The following CCSER1 variants were observed in gnomAD, a reference collection of about 807,000 sequenced individuals.
CCSER1 encodes the protein coiled-coil serine rich protein 1.
In CCSER1, 41 loss-of-function variants were observed where a neutral mutation model predicts 82.0. The ratio of observed to expected loss-of-function variants is 0.50; its 90% CI spans 0.39 to 0.65. The LOEUF is 0.65. Ranked by LOEUF, CCSER1 falls within the 30% of genes least tolerant of loss-of-function variation. The probability of loss-of-function intolerance (pLI) is 0.00; values close to 1 mark genes in which losing one functional copy is unlikely to be tolerated. For synonymous variants in CCSER1, 414 were observed against 383.9 expected (o/e 1.08, Z -0.92); for missense variants, 1,119 against 1,064.2 (o/e 1.05, Z -0.72).
chr4:91,449,448 AT>A (rs945167109), intron 10 of CCSER1, among the ~76,000 whole-genome samples: 27 of 151,804 alleles, frequency 1.8e-4, no homozygotes, highest in African/African-American at 4.6e-4. Flanking sequence ...AAATTGTGTC[AT>A]TTTTTTTGGT....
chr4:91,475,654 T>G (rs1757550916), intron 10 of CCSER1, among the ~76,000 whole-genome samples: 1 of 151,840 alleles, frequency 6.6e-6, no homozygotes, highest in South Asian at 2.1e-4. Context: ...CTGATTTGTG[T>G]GGGGAACATT....
chr4:91,143,669 T>G (rs1260327816), intron 10 of CCSER1, among the ~76,000 whole-genome samples: 1 of 152,022 alleles, frequency 6.6e-6, no homozygotes, highest in East Asian at 1.9e-4. Flanking sequence ...TTCTTTAGTA[T>G]TTTTTTAATC....
intron 4 of CCSER1, among the ~76,000 whole-genome samples, chr4:90,402,360 T>C (rs1752996819): frequency 6.6e-6 from 1 of 152,238 alleles, no homozygotes; most frequent in African/African-American, 2.4e-5. Context: ...TGCAGAATTA[T>C]AGTTAATTTT....
At chr4:91,556,670 A>G (rs1259104762) in intron 10 of CCSER1, among the ~76,000 whole-genome samples, 1 of 151,156 alleles carries the variant, frequency 6.6e-6, no homozygotes, top group African/African-American at 2.4e-5. Flanking sequence ...ATCTTAGGGT[A>G]GTTGTGGGAT....
intron 5 of CCSER1, among the ~76,000 whole-genome samples, chr4:90,484,576 G>A (rs1362450946): frequency 6.6e-6 from 1 of 152,150 alleles, no homozygotes; most frequent in South Asian, 2.1e-4. Flanking sequence ...CTGTTTGTTA[G>A]TTTTCCTTCT....
intron 10 of CCSER1, among the ~76,000 whole-genome samples, chr4:91,300,814 A>G (rs1744606945): frequency 6.6e-6 from 1 of 151,902 alleles, no homozygotes; most frequent in South Asian, 2.1e-4. Flanking sequence ...GATATATGAT[A>G]TATTTGATAA....
Position 90,853,111 on chromosome 4 carries a change from AAAAC to A in CCSER1, c.2094+37272_2094+37275del, listed in dbSNP as rs530717871. Among the ~76,000 whole-genome samples the A allele has an allele frequency of 2.0e-5, 3 of 152,272 alleles. No homozygotes were observed. The South Asian group carries it at 6.2e-4, about 32-fold the overall frequency. On this transcript the variant is annotated intron_variant, in intron 8 of 10. Coordinates refer to ENST00000509176, the MANE Select transcript of CCSER1 (RefSeq NM_001145065.2). ...GCAAGAACAACCACAAAAAAAAACAAAAACAAACATATAAAGATGTAGAGTCCTT... is the reference window on the plus strand; with the variant it reads ...GCAAGAACAACCACAAAAAAAAACAAAAACATATAAAGATGTAGAGTCCTT...
At chr4:91,466,607 A>G (rs981437775) in intron 10 of CCSER1, among the ~76,000 whole-genome samples, 6 of 152,186 alleles carry the variant, frequency 3.9e-5, no homozygotes, top group Non-Finnish European at 7.3e-5. Flanking sequence ...AGAAAACCCC[A>G]TCATCTCAGC....
intron 10 of CCSER1, among the ~76,000 whole-genome samples, chr4:91,367,951 CT>C (rs1749756378): frequency 1.3e-5 from 2 of 152,038 alleles, no homozygotes; most frequent in Admixed American, 1.3e-4. Context: ...ATGTGTCTTA[CT>C]TTTTGAGTGG....
chr4:91,362,785 C>T (rs926662270), intron 10 of CCSER1, among the ~76,000 whole-genome samples: 1 of 151,768 alleles, frequency 6.6e-6, no homozygotes, highest in Non-Finnish European at 1.5e-5. Flanking sequence ...ATATAACTGT[C>T]TTTGTGAAAC....
At chr4:90,739,335 C>A (rs1746161894) in intron 7 of CCSER1, among the ~76,000 whole-genome samples, 1 of 152,136 alleles carries the variant, frequency 6.6e-6, no homozygotes. Context: ...GTTCCAATAC[C>A]CAAGTTGGAA....
intron 7 of CCSER1, among the ~76,000 whole-genome samples, chr4:90,748,017 G>A (rs1337207814): frequency 6.9e-6 from 1 of 145,766 alleles, no homozygotes; most frequent in Non-Finnish European, 1.5e-5. Context: ...ATTCCATGGT[G>A]TATATGTGCC....
At chr4:90,404,635 G>C (rs1468525158) in intron 4 of CCSER1, among the ~76,000 whole-genome samples, 1 of 152,192 alleles carries the variant, frequency 6.6e-6, no homozygotes, top group Admixed American at 6.5e-5. Context: ...ACCTCCACCA[G>C]AGCAGGTGCT....
At chr4:91,221,564 AT>A (rs1560525857) in intron 10 of CCSER1, among the ~76,000 whole-genome samples, 1 of 79,512 alleles carries the variant, frequency 1.3e-5, no homozygotes, top group Non-Finnish European at 2.3e-5. Context: ...ATAGGCATGG[AT>A]TGGAAAATAA....
intron 9 of CCSER1, among the ~76,000 whole-genome samples, chr4:90,990,704 C>T (rs893310045): frequency 5.3e-5 from 8 of 151,862 alleles, no homozygotes; most frequent in East Asian, 1.9e-4. Flanking sequence ...ACAATACATT[C>T]CCTGGGTCTT....
At chr4:91,478,674 G>A (rs1183119192) in intron 10 of CCSER1, among the ~76,000 whole-genome samples, 1 of 151,830 alleles carries the variant, frequency 6.6e-6, no homozygotes, top group Non-Finnish European at 1.5e-5. Context: ...AAATGTCAAA[G>A]TTCGAAATGG....
chr4:91,076,248 A>AC (rs34250597), intron 9 of CCSER1, among the ~76,000 whole-genome samples: 99,862 of 151,610 alleles, frequency 0.66, 33,330 homozygotes, highest in East Asian at 0.95. Context: ...TGCCTAAATT[A>AC]TACCAAGCTT....
chr4:91,072,996 A>G (rs1324737953), intron 9 of CCSER1, among the ~76,000 whole-genome samples: 1 of 152,106 alleles, frequency 6.6e-6, no homozygotes, highest in Non-Finnish European at 1.5e-5. Flanking sequence ...CATTTTTACA[A>G]AGACAGAACC....
intron 4 of CCSER1, among the ~76,000 whole-genome samples, chr4:90,443,727 AT>A (rs554443610): frequency 6.6e-5 from 10 of 152,078 alleles, no homozygotes; most frequent in Non-Finnish European, 1.5e-4. Context: ...ATTAATAAAG[AT>A]TGAAGTCATT....
Sources: gnomAD v4.1 joint callset for allele counts (sites outside exome capture counted in the v4.1 genomes callset) on GRCh38, gnomAD v4.1.1 for gene constraint, MANE v1.5 for transcripts, NCBI Gene and HGNC (gene_info 2026-07-23, HGNC 2026-07-21) for gene names.